Variants in MTAP observed in about 807,000 individuals in gnomAD.
MTAP encodes methylthioadenosine phosphorylase, also known as S-methyl-5'-thioadenosine phosphorylase.
In MTAP, 33 loss-of-function variants were observed where a neutral mutation model predicts 33.6. That is an observed-to-expected ratio of 0.98 (90% CI 0.74 to 1.31). The LOEUF is 1.31. Ranked by LOEUF, MTAP falls within the 40% of genes most tolerant of loss-of-function variation. MTAP has a pLI of 0.00. For missense variants in MTAP, 367 were observed against 360.0 expected, an observed-to-expected ratio of 1.02 and a Z score of -0.16; for synonymous variants, 148 against 125.7, an observed-to-expected ratio of 1.18 and a Z score of -1.19.
intron 1 of MTAP, among the ~76,000 whole-genome samples, chr9:21,905,357 T>TG (rs1051235671): frequency 3.9e-5 from 6 of 152,070 alleles, no homozygotes; most frequent in Non-Finnish European, 8.8e-5. Flanking sequence ...AGGCACAGGA[T>TG]GGGGGGCGTG....
At chr9:21,917,971 T>C (rs1429199785) in intron 1 of MTAP, among the ~76,000 whole-genome samples, 1 of 152,244 alleles carries the variant, frequency 6.6e-6, no homozygotes, top group Non-Finnish European at 1.5e-5. Flanking sequence ...GTCATTATTG[T>C]AAGTGAAGTA....
intron 2 of MTAP, 71 bp downstream of exon 2, chr9:21,815,590 T>TTAA (rs1554641933): frequency 1.3e-5 from 10 of 757,900 alleles, no homozygotes; most frequent in African/African-American, 5.7e-5. Context: ...ATTTTTGAAT[T>TTAA]AAAAAAAAAA....
At chr9:21,842,142 G>A (rs1409717068) in intron 5 of MTAP, among the ~76,000 whole-genome samples, 2 of 152,268 alleles carry the variant, frequency 1.3e-5, no homozygotes, top group South Asian at 2.1e-4. Flanking sequence ...GTAGTGGAAA[G>A]CTTCAACAAT....
intron 1 of MTAP, among the ~76,000 whole-genome samples, chr9:21,810,607 G>A (rs1187351154): frequency 6.6e-6 from 1 of 152,054 alleles, no homozygotes; most frequent in Non-Finnish European, 1.5e-5. Context: ...CTATATTTGG[G>A]GACCAAGCCT....
intron 1 of MTAP, among the ~76,000 whole-genome samples, chr9:21,910,662 A>T (rs1818560822): frequency 6.6e-6 from 1 of 152,124 alleles, no homozygotes; most frequent in Non-Finnish European, 1.5e-5. Flanking sequence ...TTGTGGGGGG[A>T]GTCCTTGTTT....
chr9:21,920,463 C>T (rs979532431), intron 1 of MTAP, among the ~76,000 whole-genome samples: 2 of 152,086 alleles, frequency 1.3e-5, no homozygotes, highest in African/African-American at 2.4e-5. Context: ...TTTATGTGAC[C>T]TGAAACTTAC....
intron 1 of MTAP, among the ~76,000 whole-genome samples, chr9:21,878,562 A>G (rs945463884): frequency 6.6e-6 from 1 of 152,110 alleles, no homozygotes; most frequent in Admixed American, 6.6e-5. Context: ...GGGATTCACC[A>G]TGTTTCCCAG....
At chr9:21,929,081 G>T (rs2131044878) in intron 1 of MTAP, among the ~76,000 whole-genome samples, 1 of 151,764 alleles carries the variant, frequency 6.6e-6, no homozygotes, top group African/African-American at 2.4e-5. Context: ...ACTGTATTCT[G>T]GGGGGGCCAC....
intron 4 of MTAP, among the ~76,000 whole-genome samples, chr9:21,828,583 G>A (rs545617111): frequency 1.6e-4 from 25 of 152,126 alleles, no homozygotes; most frequent in Admixed American, 4.6e-4. Flanking sequence ...GCTGAGGCAG[G>A]AGAATTGCTT....
chr9:21,881,734 G>A (rs1483252411), intron 1 of MTAP, among the ~76,000 whole-genome samples: 1 of 151,954 alleles, frequency 6.6e-6, no homozygotes, highest in Non-Finnish European at 1.5e-5. Context: ...AGAAAATGTT[G>A]CCATAGATGT....
At chr9:21,885,779 GGT>G (rs34691018) in intron 1 of MTAP, among the ~76,000 whole-genome samples, 14,823 of 144,252 alleles carry the variant, frequency 0.1, 830 homozygotes, top group East Asian at 0.15. Flanking sequence ...AGTATTACAT[GGT>G]GTGTGTGTGT....
intron 1 of MTAP, among the ~76,000 whole-genome samples, chr9:21,900,008 A>G (rs940115276): frequency 6.6e-6 from 1 of 152,206 alleles, no homozygotes; most frequent in Non-Finnish European, 1.5e-5. Context: ...CCCCTTCCTT[A>G]TACCATATAC....
In MTAP at chr9:21,864,919, T is replaced by G; in HGVS notation, c.*2905T>G. ...TATTTTCCAAATAATTATTCATTCT[T>G]GTGACAGTGGCCTGAACATGTTTTT... is the stretch of plus-strand genomic sequence containing the variant. On this transcript the variant is annotated 3_prime_UTR_variant, in exon 8 of 8. Coordinates refer to ENST00000644715, the MANE Select transcript of MTAP (RefSeq NM_002451.4). 1 of 985,512 alleles carries G rather than the reference T, an allele frequency of 1.0e-6. No homozygotes were observed. The highest frequency in any genetic ancestry group is 4.7e-5 in the South Asian group (1 of 21,290). 61.0% of individuals were successfully genotyped at this position (985,512 alleles called of 1,614,324 possible). A position where few individuals can be genotyped will look rare whatever the true frequency, so the allele number is the denominator to read the frequency against.
chr9:21,836,714 C>T (rs576073867), intron 4 of MTAP, among the ~76,000 whole-genome samples: 1 of 152,300 alleles, frequency 6.6e-6, no homozygotes, highest in Non-Finnish European at 1.5e-5. Flanking sequence ...AGCATTTCCC[C>T]TAAAGCGCAT....
chr9:21,878,055 G>T (rs1826036129), intron 1 of MTAP, among the ~76,000 whole-genome samples: 1 of 152,106 alleles, frequency 6.6e-6, no homozygotes, highest in Non-Finnish European at 1.5e-5. Context: ...GTTCTGTTCA[G>T]AGATTTAATT....
rs998611570 is a variant in MTAP, at chr9:21,816,844, G to A, written c.179+72G>A. On this transcript the variant is annotated intron_variant, in intron 3 of 7. Coordinates refer to ENST00000644715, the MANE Select transcript of MTAP (RefSeq NM_002451.4). Reference sequence around the variant, plus strand: ...AAATTTAACTTAAATTCTGGAAAGAGTAAAGATACAGGTCTGAGCTTTTAT... The same window carrying A: ...AAATTTAACTTAAATTCTGGAAAGAATAAAGATACAGGTCTGAGCTTTTAT... 3.0e-6 allele frequency: 4 copies of A among 1,313,930 alleles called. No individual in the cohort carries two copies. In the African/African-American group the frequency reaches 5.9e-5, roughly 19 times the overall value. The allele number at this position is 1,313,930 out of a possible 1,614,324, so 81.4% of individuals were successfully genotyped here.
intron 1 of MTAP, among the ~76,000 whole-genome samples, chr9:21,885,637 G>A (rs748382499): frequency 3.3e-5 from 5 of 151,982 alleles, no homozygotes; most frequent in African/African-American, 4.8e-5. Flanking sequence ...TTGCATCCTC[G>A]TGGCTTAGCT....
chr9:21,887,332 A>T (rs916276969), intron 1 of MTAP, among the ~76,000 whole-genome samples: 1 of 151,846 alleles, frequency 6.6e-6, no homozygotes, highest in African/African-American at 2.4e-5. Flanking sequence ...TCATGGTTCA[A>T]TTCCCACCTA....
At chr9:21,833,241 A>C (rs1452550621) in intron 4 of MTAP, among the ~76,000 whole-genome samples, 1 of 152,160 alleles carries the variant, frequency 6.6e-6, no homozygotes, top group Non-Finnish European at 1.5e-5. Context: ...GCTGGAGTAC[A>C]GTGGCGCCAC....
Sources: gnomAD v4.1 joint callset for allele counts (sites outside exome capture counted in the v4.1 genomes callset) on GRCh38, gnomAD v4.1.1 for gene constraint, MANE v1.5 for transcripts, NCBI Gene and HGNC (gene_info 2026-07-23, HGNC 2026-07-21) for gene names.